Variants in LHFPL6 observed in about 807,000 individuals in gnomAD.
LHFPL6 encodes LHFPL tetraspan subfamily member 6.
LHFPL6 carries 9 observed loss-of-function variants against 20.6 expected under a neutral mutation model. The ratio of observed to expected loss-of-function variants is 0.44; its 90% CI spans 0.26 to 0.76. LHFPL6 has a LOEUF of 0.76. Ranked by LOEUF, LHFPL6 falls within the 30% of genes least tolerant of loss-of-function variation. LHFPL6 has a pLI of 0.20. For missense variants in LHFPL6, 218 were observed against 253.5 expected (o/e 0.86, Z 0.95); for synonymous variants, 105 against 98.7 (o/e 1.06, Z -0.38).
intron 3 of LHFPL6, among the ~76,000 whole-genome samples, chr13:39,377,308 T>C (rs1870315906): frequency 1.3e-5 from 2 of 152,242 alleles, no homozygotes; most frequent in Non-Finnish European, 2.9e-5. Context: ...CGAATTTGTA[T>C]GCTTTTCTCT....
At chr13:39,454,412 G>A (rs1872520082) in intron 2 of LHFPL6, among the ~76,000 whole-genome samples, 1 of 33,588 alleles carries the variant, frequency 3.0e-5, no homozygotes, top group Non-Finnish European at 4.9e-5. Context: ...GGCGGATCAT[G>A]AGGTCAGGAG....
At chr13:39,487,479 G>A (rs1868764500) in intron 2 of LHFPL6, among the ~76,000 whole-genome samples, 1 of 152,142 alleles carries the variant, frequency 6.6e-6, no homozygotes, top group Non-Finnish European at 1.5e-5. Context: ...AAATAAGAAA[G>A]ATAATGACAA....
At chr13:39,395,071 G>A (rs1487337376) in intron 2 of LHFPL6, among the ~76,000 whole-genome samples, 1 of 152,158 alleles carries the variant, frequency 6.6e-6, no homozygotes, top group Non-Finnish European at 1.5e-5. Context: ...CCAGAGGTGT[G>A]AAAGAGGTGG....
intron 2 of LHFPL6, among the ~76,000 whole-genome samples, chr13:39,487,365 T>C (rs1190709892): frequency 6.6e-6 from 1 of 152,198 alleles, no homozygotes; most frequent in African/African-American, 2.4e-5. Flanking sequence ...AGGGTTGTGC[T>C]TCAGCCTACA....
In LHFPL6 at chr13:39,462,930, C is replaced by A. The variant is rs528829431; in HGVS notation, c.386-84404G>T. 2.5e-4 allele frequency among the ~76,000 whole-genome samples: 38 copies of A among 152,276 alleles called. 1 individual carries two copies. The South Asian group carries it at 7.9e-3, about 32-fold the overall frequency. Reference sequence around the variant, plus strand: ...AAGGAAAAGGCTTAGTCAAACCAGGCTGTAATCATACAAACTCATGCTCTC... The same window carrying A: ...AAGGAAAAGGCTTAGTCAAACCAGGATGTAATCATACAAACTCATGCTCTC... On this transcript the variant is annotated intron_variant, in intron 2 of 3. Transcript: ENST00000379589.
chr13:39,373,546 C>A (rs1039989544), intron 3 of LHFPL6, among the ~76,000 whole-genome samples: 4 of 152,186 alleles, frequency 2.6e-5, no homozygotes, highest in Admixed American at 1.3e-4. Flanking sequence ...ATTTATACAG[C>A]GTACTAGGGT....
At chr13:39,573,281 C>G (rs1421495417) in intron 2 of LHFPL6, among the ~76,000 whole-genome samples, 2 of 152,092 alleles carry the variant, frequency 1.3e-5, no homozygotes, top group Non-Finnish European at 2.9e-5. Context: ...AACAAATTAA[C>G]TCCTGAAATA....
At chr13:39,400,559 G>A (rs367895565) in intron 2 of LHFPL6, among the ~76,000 whole-genome samples, 27 of 151,750 alleles carry the variant, frequency 1.8e-4, no homozygotes, top group South Asian at 1.0e-3. Flanking sequence ...CGAGGCGGGC[G>A]GATCACGAGG....
At chr13:39,422,596 A>AC (rs1871523033) in intron 2 of LHFPL6, among the ~76,000 whole-genome samples, 2 of 132,280 alleles carry the variant, frequency 1.5e-5, no homozygotes, top group Non-Finnish European at 3.4e-5. Flanking sequence ...CAAAAAAAAA[A>AC]AAAAAAAAGA....
At chr13:39,377,275 T>A (rs1295118107) in intron 3 of LHFPL6, among the ~76,000 whole-genome samples, 1 of 152,260 alleles carries the variant, frequency 6.6e-6, no homozygotes, top group Non-Finnish European at 1.5e-5. Context: ...AAGGGTCCTA[T>A]GTCATGAAAA....
chr13:39,515,542 C>T (rs916745570), intron 2 of LHFPL6, among the ~76,000 whole-genome samples: 3 of 152,294 alleles, frequency 2.0e-5, no homozygotes, highest in South Asian at 4.1e-4. Flanking sequence ...GATTTCTCTT[C>T]GGCTTAACAG....
At chr13:39,359,618 T>G (rs899115384) in intron 3 of LHFPL6, among the ~76,000 whole-genome samples, 1 of 152,078 alleles carries the variant, frequency 6.6e-6, no homozygotes, top group African/African-American at 2.4e-5. Context: ...CAATAGATAT[T>G]GGGGAATACA....
At chr13:39,417,553 C>G (rs1477775581) in intron 2 of LHFPL6, among the ~76,000 whole-genome samples, 1 of 152,208 alleles carries the variant, frequency 6.6e-6, no homozygotes, top group African/African-American at 2.4e-5. Context: ...CATCAAGGAC[C>G]AATTTTCCTT....
rs116889114 is a variant in LHFPL6 at position 39,570,252 on chromosome 13, C to A, written c.385+30580G>T. The stretch of plus-strand genomic sequence containing the variant: ...GAACTCCTGGATTCAGGCAATCTCT[C>A]ATCTCAGCCTCCTGAATAGCCAGGA... On this transcript the variant is annotated intron_variant, in intron 2 of 3. Coordinates refer to ENST00000379589, the MANE Select transcript of LHFPL6 (RefSeq NM_005780.3). Among the ~76,000 whole-genome samples the A allele has an allele frequency of 7.0e-4, 106 of 152,278 alleles. 1 individual carries two copies. The East Asian group carries it at 0.012, about 17-fold the overall frequency.
rs1870193508 is a variant in LHFPL6 at position 39,523,714 on chromosome 13, T to A, written c.385+77118A>T. On this transcript the variant is annotated intron_variant, in intron 2 of 3. Transcript: ENST00000379589. ...CTTAGGTACAGAATTTACTATTTTA[T>A]CATTGCCTACCACCACTACTGCTCT... is the stretch of plus-strand genomic sequence containing the variant. 2.0e-5 allele frequency among the ~76,000 whole-genome samples: 3 copies of A among 152,328 alleles called. 1 individual carries two copies. The South Asian group carries it at 6.2e-4, about 32-fold the overall frequency.
intron 2 of LHFPL6, among the ~76,000 whole-genome samples, chr13:39,477,992 T>C (rs1873124734): frequency 6.6e-6 from 1 of 152,230 alleles, no homozygotes; most frequent in Non-Finnish European, 1.5e-5. Context: ...TACTGCTAAT[T>C]TAACAGCATC....
At chr13:39,519,960 G>C (rs977846655) in intron 2 of LHFPL6, among the ~76,000 whole-genome samples, 2 of 152,178 alleles carry the variant, frequency 1.3e-5, no homozygotes, top group Admixed American at 6.5e-5. Flanking sequence ...ACCAGATGTA[G>C]GGATTCATAG....
intron 2 of LHFPL6, among the ~76,000 whole-genome samples, chr13:39,463,706 GA>G (rs1872737699): frequency 6.6e-6 from 1 of 152,140 alleles, no homozygotes; most frequent in South Asian, 2.1e-4. Context: ...AAAGGGCAGG[GA>G]GGTATGAAAT....
chr13:39,467,278 T>C (rs1872827914), intron 2 of LHFPL6, among the ~76,000 whole-genome samples: 1 of 152,208 alleles, frequency 6.6e-6, no homozygotes, highest in African/African-American at 2.4e-5. Context: ...GTACCATGCC[T>C]GACATATGGA....
Sources: allele counts gnomAD v4.1 joint callset (sites outside exome capture counted in the v4.1 genomes callset), GRCh38; gene constraint gnomAD v4.1.1; transcripts MANE v1.5; gene names NCBI Gene and HGNC (gene_info 2026-07-23, HGNC 2026-07-21).